The following DYSF variants were observed in gnomAD, a reference collection of about 807,000 sequenced individuals.
The protein encoded by DYSF is dysferlin.
Under a neutral mutation model 274.9 loss-of-function variants are expected in DYSF, and 212 were observed. The ratio of observed to expected loss-of-function variants is 0.77; its 90% CI spans 0.69 to 0.86. DYSF has a LOEUF of 0.86. DYSF is among the 40% of genes least tolerant of loss of function. The probability of loss-of-function intolerance (pLI) is 0.00; values close to 1 mark genes in which losing one functional copy is unlikely to be tolerated. For missense variants in DYSF, 2,666 were observed against 2,783.2 expected, an observed-to-expected ratio of 0.96 and a Z score of 0.95; for synonymous variants, 1,091 against 1,078.7, an observed-to-expected ratio of 1.01 and a Z score of -0.22.
At chr2:71,473,744 T>C (rs1034210491) in intron 1 of DYSF, among the ~76,000 whole-genome samples, 5 of 152,058 alleles carry the variant, frequency 3.3e-5, no homozygotes, top group African/African-American at 1.2e-4. Flanking sequence ...TAACATGAAA[T>C]GTACCATCTT....
At chr2:71,653,252 T>G (rs190039740) in intron 42 of DYSF, among the ~76,000 whole-genome samples, 1 of 152,168 alleles carries the variant, frequency 6.6e-6, no homozygotes, top group South Asian at 2.1e-4. Flanking sequence ...GTCAGTGTGG[T>G]GATTCCTCAG....
intron 13 of DYSF, 65 bp downstream of exon 13, chr2:71,526,411 T>TGGGGGGGGGGG: frequency 3.3e-6 from 1 of 306,922 alleles, no homozygotes. Context: ...CTGGTGGGGG[T>TGGGGGGGGGGG]GGGCGATGGC....
At chr2:71,585,786 C>T (rs182892991) in intron 30 of DYSF, among the ~76,000 whole-genome samples, 157 of 152,216 alleles carry the variant, frequency 1.0e-3, no homozygotes, top group African/African-American at 3.6e-3. Context: ...GGGCACCTGG[C>T]TGGGCTCTCA....
At chr2:71,651,413 T>A (rs112566607) in intron 42 of DYSF, among the ~76,000 whole-genome samples, 2 of 152,080 alleles carry the variant, frequency 1.3e-5, no homozygotes, top group Non-Finnish European at 2.9e-5. Flanking sequence ...TATATTTCTA[T>A]GTTAATAGAT....
chr2:71,520,829 T>C lies in DYSF; in HGVS notation c.1074T>C (p.Pro358=). ...YLRKWLLLSD[P]DDFSAGARGY... is the part of the protein sequence containing the mutation. ...GGAAGTGGCTGCTGCTCTCAGACCC[T>C]GATGACTTCTCTGCTGGGGCCAGAG... The change falls in exon 12 of 56, where the codon CCT becomes CCC. Residue 358 remains proline (P), a synonymous_variant. Transcript: ENST00000410020. 1 of 1,614,082 alleles carries C rather than the reference T, an allele frequency of 6.2e-7. No individual in the cohort carries two copies. The highest frequency in any genetic ancestry group is 2.2e-5 in the East Asian group (1 of 44,866).
chr2:71,542,035 G>T (rs998208298), intron 17 of DYSF, among the ~76,000 whole-genome samples: 2 of 152,212 alleles, frequency 1.3e-5, no homozygotes, highest in African/African-American at 4.8e-5. Context: ...AAGGCAGAGT[G>T]GGGGAGTGGG....
intron 13 of DYSF, among the ~76,000 whole-genome samples, chr2:71,526,725 G>A (rs1057195625): frequency 6.6e-6 from 1 of 152,234 alleles, no homozygotes; most frequent in Non-Finnish European, 1.5e-5. Context: ...GGCAGAGCTG[G>A]GCTGGGGAGC....
chr2:71,454,144 G>A, intron 1 of DYSF: 2 of 1,530,266 alleles, frequency 1.3e-6, no homozygotes, highest in Non-Finnish European at 1.8e-6. Flanking sequence ...AGGGGACGCC[G>A]CGGCTCTCAA....
intron 50 of DYSF, 119 bp from the exon 51 acceptor site, chr2:71,669,486 G>A: frequency 7.7e-7 from 1 of 1,302,764 alleles, no homozygotes; most frequent in African/African-American, 1.5e-5. Flanking sequence ...GATTTCCTGG[G>A]AATTCTTTTT....
chr2:71,568,454 G>C (rs1389028594), intron 26 of DYSF, 116 bp downstream of exon 26: 4 of 1,376,980 alleles, frequency 2.9e-6, no homozygotes, highest in African/African-American at 1.4e-5. Flanking sequence ...CTCCTGCGCT[G>C]GTCATAGGAA....
chr2:71,665,365 C>T, intron 47 of DYSF, 61 bp downstream of exon 47: 1 of 1,608,754 alleles, frequency 6.2e-7, no homozygotes, highest in East Asian at 2.2e-5. Context: ...CCTCTCTCAT[C>T]AGACCCTCTG....
intron 2 of DYSF, among the ~76,000 whole-genome samples, chr2:71,481,167 G>A (rs1269390298): frequency 6.6e-6 from 1 of 152,182 alleles, no homozygotes; most frequent in African/African-American, 2.4e-5. Context: ...TTTTGTTTCT[G>A]TTTCCCCCCA....
In DYSF at chr2:71,513,941, T is replaced by C. The variant is rs1321250499; in HGVS notation, c.759+20T>C. ...TTCCAGGTGATGAACGGGCTTTCTC[T>C]GACCCCAGGCTCCTCTTCAGCCATC... On this transcript the variant is annotated intron_variant, in intron 7 of 55. Coordinates refer to ENST00000410020, the MANE Select transcript of DYSF (RefSeq NM_001130987.2). 6.2e-7 allele frequency: 1 copy of C among 1,614,046 alleles called. No homozygotes were observed. Among genetic ancestry groups the C allele is most frequent in the Admixed American group, 1.7e-5 (1 of 60,026 alleles).
intron 16 of DYSF, among the ~76,000 whole-genome samples, chr2:71,536,141 C>T (rs763436724): frequency 1.3e-5 from 2 of 152,212 alleles, no homozygotes; most frequent in Non-Finnish European, 2.9e-5. Context: ...GGGGTCCACA[C>T]GTGTGATCTC....
intron 51 of DYSF, among the ~76,000 whole-genome samples, chr2:71,671,531 T>A (rs919673545): frequency 1.3e-5 from 2 of 152,202 alleles, no homozygotes; most frequent in African/African-American, 4.8e-5. Context: ...GGACAGCCCC[T>A]TCCTCATGAC....
chr2:71,622,428 C>A (rs1005261349), intron 41 of DYSF, among the ~76,000 whole-genome samples: 1 of 152,142 alleles, frequency 6.6e-6, no homozygotes, highest in Non-Finnish European at 1.5e-5. Context: ...TAGTTTCTTT[C>A]TAATAGTAAT....
At position 71,551,685 on chromosome 2, in the gene DYSF, G is replaced by A; in HGVS notation, c.1771G>A (p.Glu591Lys). The A allele has an allele frequency of 6.2e-7, 1 of 1,610,880 alleles. No individual in the cohort carries two copies. Residue 591 changes from glutamate (E) to lysine (K), a missense_variant, in exon 19 of 56, where the codon GAG becomes AAG. Physicochemically the swap from Glu to Lys is moderately conservative, Grantham distance 56 (BLOSUM62 1). Around this residue, in one of 3 missense-constraint regions of DYSF, gnomAD observed 794 missense variants for 777.1 expected, o/e 1.02. Transcript: ENST00000410020. The stretch of plus-strand genomic sequence containing the variant: ...GGTGGAGCACAGTGAACAGAAGGTG[G>A]AGGACCTTCCTGCGGATGACATCCT... The part of the protein sequence containing the change: ...KLVEHSEQKV[E>K]DLPADDILRV...
intron 40 of DYSF, among the ~76,000 whole-genome samples, chr2:71,618,840 AG>A (rs1486190721): frequency 2.0e-5 from 3 of 151,764 alleles, no homozygotes; most frequent in African/African-American, 4.9e-5. Context: ...AGTGTGCAGG[AG>A]GCCTCGGGAG....
At chr2:71,570,078 G>T (rs2092331621) in intron 27 of DYSF, 144 bp downstream of exon 27, 1 of 1,056,186 alleles carries the variant, frequency 9.5e-7, no homozygotes. Flanking sequence ...GGGAAAGTGT[G>T]GGGTGCAGTG....
Sources: allele counts gnomAD v4.1 joint callset (sites outside exome capture counted in the v4.1 genomes callset), GRCh38; gene constraint gnomAD v4.1.1; regional missense constraint gnomAD v4.1.1; transcripts MANE v1.5; gene names NCBI Gene and HGNC (gene_info 2026-07-23, HGNC 2026-07-21).